ROBO2: variants seen among roughly 807,000 people sequenced by gnomAD.
ROBO2 encodes the protein roundabout guidance receptor 2, also known as roundabout homolog 2.
A neutral mutation model predicts 160.8 loss-of-function variants in ROBO2; 53 were observed. That is an observed-to-expected ratio of 0.33 (90% confidence interval 0.26 to 0.41). The LOEUF (loss-of-function observed/expected upper bound fraction) is 0.41, where lower values mean the gene tolerates loss of function less well. ROBO2 is among the 10% of genes least tolerant of loss of function. ROBO2 has a pLI of 1.00. For missense variants in ROBO2, 1,577 were observed against 1,722.4 expected (o/e 0.92, Z 1.49); for synonymous variants, 664 against 611.7 (o/e 1.09, Z -1.26).
At chr3:76,523,309 G>A (rs1032718011) in intron 2 of ROBO2, among the ~76,000 whole-genome samples, 2 of 152,012 alleles carry the variant, frequency 1.3e-5, no homozygotes, top group Non-Finnish European at 2.9e-5. Flanking sequence ...TAAAGTCCAG[G>A]CTTTTAATCG....
At chr3:76,351,826 A>G (rs1426894699) in intron 2 of ROBO2, among the ~76,000 whole-genome samples, 1 of 151,972 alleles carries the variant, frequency 6.6e-6, no homozygotes, top group Non-Finnish European at 1.5e-5. Flanking sequence ...TTAACCTACA[A>G]TGCTCTCAGT....
intron 2 of ROBO2, among the ~76,000 whole-genome samples, chr3:77,420,958 A>G (rs1032524417): frequency 6.6e-6 from 1 of 152,164 alleles, no homozygotes; most frequent in African/African-American, 2.4e-5. Context: ...TCAAATTCCC[A>G]TAAGTTTCCA....
At chr3:76,049,829 C>T (rs1182117769) in intron 2 of ROBO2, among the ~76,000 whole-genome samples, 1 of 152,074 alleles carries the variant, frequency 6.6e-6, no homozygotes, top group Non-Finnish European at 1.5e-5. Flanking sequence ...TACATAGTCC[C>T]TCTCTGGAAA....
intron 2 of ROBO2, among the ~76,000 whole-genome samples, chr3:76,382,759 A>G (rs1017199377): frequency 1.4e-4 from 22 of 152,266 alleles, no homozygotes; most frequent in Admixed American, 1.3e-3. Context: ...AGAAATAGGA[A>G]GAGAACATGG....
chr3:76,031,678 T>C (rs2066924333), intron 2 of ROBO2, among the ~76,000 whole-genome samples: 2 of 152,184 alleles, frequency 1.3e-5, no homozygotes, highest in Admixed American at 6.5e-5. Context: ...TTGATTTGCA[T>C]ATGTTAAACC....
Position 77,193,353 on chromosome 3 carries a change from T to C in ROBO2, c.388+95013T>C, listed in dbSNP as rs956709338. 2.6e-5 allele frequency among the ~76,000 whole-genome samples: 4 copies of C among 151,834 alleles called. 1 individual carries two copies. Among genetic ancestry groups the C allele is most frequent in the Non-Finnish European group, 5.9e-5 (4 of 67,966 alleles). ...TGTAGTGCAGTGGCTCTATCATAGC[T>C]CACTGCAGCTTTGAACACCTGGGCT... On this transcript the variant is annotated intron_variant, in intron 2 of 25. Coordinates refer to ENST00000461745, the Ensembl canonical transcript of ROBO2.
At chr3:77,425,863 A>T (rs1041655926) in intron 2 of ROBO2, among the ~76,000 whole-genome samples, 3 of 151,890 alleles carry the variant, frequency 2.0e-5, no homozygotes, top group Non-Finnish European at 4.4e-5. Flanking sequence ...GGGTTTCACC[A>T]TGTTGGCAAG....
chr3:76,015,865 A>G (rs2066390936), intron 2 of ROBO2, among the ~76,000 whole-genome samples: 1 of 152,174 alleles, frequency 6.6e-6, no homozygotes, highest in Admixed American at 6.5e-5. Flanking sequence ...ATAATCACAA[A>G]TGCTTTCTGT....
intron 2 of ROBO2, among the ~76,000 whole-genome samples, chr3:77,213,740 A>C (rs1373705742): frequency 1.3e-5 from 2 of 150,934 alleles, no homozygotes; most frequent in Non-Finnish European, 3.0e-5. Flanking sequence ...CCCTCTACAC[A>C]CTGCTTTGAA....
At chr3:77,505,238 G>A (rs999224976) in intron 5 of ROBO2, among the ~76,000 whole-genome samples, 3 of 152,136 alleles carry the variant, frequency 2.0e-5, no homozygotes, top group African/African-American at 7.2e-5. Context: ...AGGCACACCT[G>A]GTAGGAAGCT....
At chr3:76,568,998 T>C (rs1380181971) in intron 2 of ROBO2, among the ~76,000 whole-genome samples, 1 of 152,230 alleles carries the variant, frequency 6.6e-6, no homozygotes, top group African/African-American at 2.4e-5. Context: ...TGCTGTTTAA[T>C]ATTTAGATCA....
At chr3:77,067,312 A>G (rs1431709632) in intron 1 of ROBO2, among the ~76,000 whole-genome samples, 1 of 152,168 alleles carries the variant, frequency 6.6e-6, no homozygotes, top group Non-Finnish European at 1.5e-5. Flanking sequence ...TTAAAACTCA[A>G]CACTCAGTTT....
chr3:76,782,746 C>G lies in ROBO2; in HGVS notation c.110-315268C>G, dbSNP rs1032129630. 4.0e-5 allele frequency among the ~76,000 whole-genome samples: 6 copies of G among 150,842 alleles called. No individual in the cohort carries two copies. In the East Asian group the frequency reaches 9.8e-4, roughly 25 times the overall value. On this transcript the variant is annotated intron_variant, in intron 2 of 26. Coordinates refer to the ROBO2 transcript ENST00000487694. ...TGTGTAGAATATCTTTTTTCATCCA[C>G]TTACTTTCAGGCTGTGTATATTCTG... is the stretch of plus-strand genomic sequence containing the variant.
At chr3:75,977,145 T>C (rs1263552546) in intron 2 of ROBO2, among the ~76,000 whole-genome samples, 6 of 151,520 alleles carry the variant, frequency 4.0e-5, no homozygotes, top group Admixed American at 1.3e-4. Flanking sequence ...AACATGCTAA[T>C]TAACAACAGA....
chr3:77,374,149 C>G (rs1331959583), intron 2 of ROBO2, among the ~76,000 whole-genome samples: 1 of 121,800 alleles, frequency 8.2e-6, no homozygotes, highest in Non-Finnish European at 1.6e-5. Context: ...CAGCCCAGGC[C>G]GACAACAGCG....
At chr3:76,615,654 C>T (rs1420586204) in intron 2 of ROBO2, among the ~76,000 whole-genome samples, 1 of 152,158 alleles carries the variant, frequency 6.6e-6, no homozygotes, top group Non-Finnish European at 1.5e-5. Context: ...TTCAGTCAGC[C>T]TTGCCAATAA....
Position 76,065,752 on chromosome 3 carries a change from T to TACAC in ROBO2, c.109+128166_109+128169dup, listed in dbSNP as rs4054051. Among the ~76,000 whole-genome samples, 779 of 143,736 alleles carry TACAC rather than the reference T, an allele frequency of 5.4e-3. 13 individuals carry two copies. The highest frequency in any genetic ancestry group is 0.019 in the African/African-American group (713 of 38,346). 94.3% of individuals were successfully genotyped at this position (143,736 alleles called of 152,430 possible). A position where few individuals can be genotyped will look rare whatever the true frequency, so the allele number is the denominator to read the frequency against. ...TTTAAACTAAATATATATATATATA[T>TACAC]ACACACACACACACACACATATATG... On this transcript the variant is annotated intron_variant, in intron 2 of 26. Transcript: ENST00000487694.
intron 2 of ROBO2, among the ~76,000 whole-genome samples, chr3:76,139,752 A>G (rs2071561899): frequency 6.6e-6 from 1 of 152,146 alleles, no homozygotes; most frequent in Admixed American, 6.6e-5. Context: ...CATTGTCTGC[A>G]TCGAGGAACC....
chr3:77,202,605 C>A (rs909722416), intron 2 of ROBO2, among the ~76,000 whole-genome samples: 1 of 152,086 alleles, frequency 6.6e-6, no homozygotes, highest in African/African-American at 2.4e-5. Context: ...GTAATGAAAT[C>A]TAAGAAATCT....
Sources: allele counts gnomAD v4.1 joint callset (sites outside exome capture counted in the v4.1 genomes callset), GRCh38; gene constraint gnomAD v4.1.1; transcripts MANE v1.5; gene names NCBI Gene and HGNC (gene_info 2026-07-23, HGNC 2026-07-21).